Variants in MYO1C observed in about 807,000 individuals in gnomAD.
MYO1C encodes the protein myosin IC.
Under a neutral mutation model 150.8 loss-of-function variants are expected in MYO1C, and 104 were observed. That is an observed-to-expected ratio of 0.69 (90% CI 0.59 to 0.81). The LOEUF (loss-of-function observed/expected upper bound fraction) is 0.81. Ranked by LOEUF, MYO1C falls within the 30% of genes least tolerant of loss-of-function variation. The pLI is 0.00. For synonymous variants in MYO1C, 663 were observed against 579.9 expected, an observed-to-expected ratio of 1.14 and a Z score of -2.06; for missense variants, 1,504 against 1,435.0, an observed-to-expected ratio of 1.05 and a Z score of -0.78.
At chr17:1,475,402 C>T (rs139397561) in intron 14 of MYO1C, among the ~76,000 whole-genome samples, 2 of 151,764 alleles carry the variant, frequency 1.3e-5, no homozygotes, top group African/African-American at 4.8e-5. Context: ...AAAAAAAGAG[C>T]AGGTGCACCC....
At chr17:1,473,640 G>A (rs914257391) in intron 17 of MYO1C, among the ~76,000 whole-genome samples, 2 of 152,026 alleles carry the variant, frequency 1.3e-5, no homozygotes, top group Non-Finnish European at 2.9e-5. Context: ...CCGTACCTCC[G>A]CCTTCAGCTC....
rs778087406 is a variant in MYO1C at position 1,474,865 on chromosome 17, G to A, written c.1670-7C>T. 8.7e-6 allele frequency: 14 copies of A among 1,614,058 alleles called. No homozygotes were observed. The East Asian group carries it at 2.0e-4, about 23-fold the overall frequency. ...TTGTTTTTGTCCAGAAACCCTGGGA[G>A]GGGAGAACCGACGTGAGGTGAGACA... On this transcript the variant is annotated splice_polypyrimidine_tract_variant and splice_region_variant and intron_variant, in intron 15 of 31. Transcript: ENST00000648651.
In MYO1C at chr17:1,484,175, C is replaced by T; in HGVS notation, c.204G>A (p.Arg68=). The T allele has an allele frequency of 6.2e-7, 1 of 1,613,164 alleles. No homozygotes were observed. The highest frequency in any genetic ancestry group is 8.5e-7 in the Non-Finnish European group (1 of 1,180,026). The part of the protein sequence containing the change: ...TSEAAFIENL[R]RRFRENLIYT... ...AGATGAGATTCTCCCGAAATCGCCG[C>T]CGCAGGTTCTCGATGAAGGCGGCCT... is the stretch of plus-strand genomic sequence containing the variant. Residue 68 remains arginine, a synonymous_variant, in exon 2 of 32, where the codon CGG becomes CGA. Coordinates refer to ENST00000648651, the MANE Select transcript of MYO1C (RefSeq NM_001080779.2).
chr17:1,472,926 C>T (rs1473020172), intron 17 of MYO1C, among the ~76,000 whole-genome samples: 3 of 152,188 alleles, frequency 2.0e-5, no homozygotes, highest in Non-Finnish European at 2.9e-5. Context: ...CGGAGCCGGG[C>T]GCGGTGGCTC....
At chr17:1,473,921 C>T (rs1360794812) in intron 17 of MYO1C, among the ~76,000 whole-genome samples, 1 of 152,162 alleles carries the variant, frequency 6.6e-6, no homozygotes, top group East Asian at 1.9e-4. Context: ...GCACATGTTG[C>T]TGCAGGCACA....
At position 1,480,583 on chromosome 17, in the gene MYO1C, A is replaced by G. The variant is rs944185137; in HGVS notation, c.850T>C (p.Trp284Arg). 13 of 1,613,998 alleles carry G rather than the reference A, an allele frequency of 8.1e-6. No homozygotes were observed. Among genetic ancestry groups the G allele is most frequent in the Non-Finnish European group, 1.0e-5 (12 of 1,180,028 alleles). ...KVSSINDKSD[W>R]KVVRKALTVI... ...GTCAGAGCCTTCCTGACGACCTTCC[A>G]GTCACTCTTGTCGTTGATGGAGGAG... is the stretch of plus-strand genomic sequence containing the variant. The change falls in exon 7 of 32, where the codon TGG becomes CGG. Residue 284 changes from tryptophan (W) to arginine (R), a missense_variant. By Grantham distance (101) the Trp-to-Arg change is moderately radical. Coordinates refer to ENST00000648651, the MANE Select transcript of MYO1C (RefSeq NM_001080779.2).
intron 1 of MYO1C, among the ~76,000 whole-genome samples, chr17:1,489,413 A>T (rs7501971): frequency 6.6e-6 from 1 of 152,196 alleles, no homozygotes; most frequent in African/African-American, 2.4e-5. Flanking sequence ...AGTGGCTCAC[A>T]CCTGTAACCC....
chr17:1,467,456 C>T (rs1426636160), intron 30 of MYO1C, 24 bp downstream of exon 30: 1 of 1,610,538 alleles, frequency 6.2e-7, no homozygotes, highest in Non-Finnish European at 8.5e-7. Flanking sequence ...CCCGCCCTGT[C>T]CCCGGGGGCC....
At chr17:1,476,631 C>A (rs1231807838) in intron 14 of MYO1C, among the ~76,000 whole-genome samples, 1 of 152,210 alleles carries the variant, frequency 6.6e-6, no homozygotes, top group Non-Finnish European at 1.5e-5. Context: ...ACCAAGAACC[C>A]CTCAAGGAGC....
chr17:1,484,360 C>T, intron 1 of MYO1C, 57 bp from the exon 2 acceptor site: 2 of 1,591,580 alleles, frequency 1.3e-6, no homozygotes, highest in Non-Finnish European at 8.5e-7. Context: ...GGCAAGGCCA[C>T]TTCCCTGCGC....
chr17:1,485,459 CG>C, intron 1 of MYO1C: 1 of 718,476 alleles, frequency 1.4e-6, no homozygotes, highest in Non-Finnish European at 1.8e-6. Context: ...CCCTCGCCCT[CG>C]GGTCAGGGGT....
chr17:1,475,022 C>G lies in MYO1C; in HGVS notation c.1585G>C (p.Ala529Pro). Reference sequence around the variant, plus strand: ...AGAGATTTCCTGGTCCGCTGGTCAGCCAGCTTGTGCCTGGGGGTGACAGGG... The same window carrying G: ...AGAGATTTCCTGGTCCGCTGGTCAGGCAGCTTGTGCCTGGGGGTGACAGGG... ...HHPHFLTHKLADQRTRKSLGR... is the reference protein window; with the variant it reads ...HHPHFLTHKLPDQRTRKSLGR... The change falls in exon 15 of 32, where the codon GCT (alanine) becomes CCT (proline). Residue 529 changes from alanine (A) to proline (P), a missense_variant. Coordinates refer to ENST00000648651, the MANE Select transcript of MYO1C (RefSeq NM_001080779.2). 1 of 1,551,844 alleles carries G rather than the reference C, an allele frequency of 6.4e-7. No homozygotes were observed. The highest frequency in any genetic ancestry group is 8.7e-7 in the Non-Finnish European group (1 of 1,147,276).
Position 1,479,823 on chromosome 17 carries a change from G to C in MYO1C, c.907-118C>G. On this transcript the variant is annotated intron_variant, in intron 7 of 31. Coordinates refer to ENST00000648651, the MANE Select transcript of MYO1C (RefSeq NM_001080779.2). The surrounding 1 kb of genome is among the most constrained non-coding windows in gnomAD (Gnocchi z 4.2). ...AAGTGTCGGAGAGAAGGGGCTGGAA[G>C]TGGGAATGGGTGTTAAAGGTGGAAG... 1 of 700,912 alleles carries C rather than the reference G, an allele frequency of 1.4e-6. No homozygotes were observed. Among genetic ancestry groups the C allele is most frequent in the East Asian group, 2.7e-5 (1 of 37,002 alleles). The allele number at this position is 700,912 out of a possible 1,614,324, so 43.4% of individuals were successfully genotyped here. A position where few individuals can be genotyped will look rare whatever the true frequency, so the allele number is the denominator to read the frequency against.
intron 17 of MYO1C, among the ~76,000 whole-genome samples, chr17:1,472,840 A>AG (rs555388293): frequency 2.1e-4 from 32 of 150,126 alleles, no homozygotes; most frequent in Non-Finnish European, 3.5e-4. Context: ...GGAAGGACTG[A>AG]GGGGGAGCTG....
At position 1,468,411 on chromosome 17, in the gene MYO1C, G is replaced by C. The variant is rs750304407; in HGVS notation, c.2696C>G (p.Thr899Ser). The C allele has an allele frequency of 6.2e-7, 1 of 1,614,080 alleles. No individual in the cohort carries two copies. Among genetic ancestry groups the C allele is most frequent in the Non-Finnish European group, 8.5e-7 (1 of 1,179,950 alleles). The change falls in exon 26 of 32, where the codon ACT becomes AGT. Residue 899 changes from threonine to serine, a missense_variant. Coordinates refer to ENST00000648651, the MANE Select transcript of MYO1C (RefSeq NM_001080779.2). ...GAAAGTCAGGGGCTCACCAAGCCGAGTGCTGATGAAGAGCCTGGGTACACT... is the reference window on the plus strand; with the variant it reads ...GAAAGTCAGGGGCTCACCAAGCCGACTGCTGATGAAGAGCCTGGGTACACT... ...PQSVPRLFISTRLGTDEISPR... is the reference protein window; with the variant it reads ...PQSVPRLFISSRLGTDEISPR...
At position 1,475,043 on chromosome 17, in the gene MYO1C, CAG is replaced by C. The variant is rs1256251056; in HGVS notation, c.1575-13_1575-12del. The C allele has an allele frequency of 5.2e-6, 8 of 1,550,954 alleles. No homozygotes were observed. The highest frequency in any genetic ancestry group is 2.0e-5 in the Admixed American group (1 of 51,016). On this transcript the variant is annotated splice_polypyrimidine_tract_variant and intron_variant, in intron 14 of 31. Coordinates refer to ENST00000648651, the MANE Select transcript of MYO1C (RefSeq NM_001080779.2). ...TCAGCCAGCTTGTGCCTGGGGGTGA[CAG>C]GGAGGAAGCTGCAGATGGCTGCCGG...
intron 1 of MYO1C, chr17:1,491,580 C>T (rs933110717): frequency 5.1e-6 from 5 of 976,856 alleles, no homozygotes; most frequent in Non-Finnish European, 2.4e-6. Flanking sequence ...GGCCGCCGTC[C>T]CCGCGCCCCG....
Position 1,467,580 on chromosome 17 carries a change from G to T in MYO1C, c.2968-3C>A. 6.2e-7 allele frequency: 1 copy of T among 1,611,926 alleles called. No individual in the cohort carries two copies. ...TCACTCTGCAGCACCACATCTCCCT[G>T]GGGGGCCAGGCAGGAGGAGGGGTCA... On this transcript the variant is annotated splice_region_variant and splice_polypyrimidine_tract_variant and intron_variant, in intron 29 of 31. Transcript: ENST00000648651.
chr17:1,467,168 G>A (rs1342519367), intron 31 of MYO1C, 74 bp downstream of exon 31: 1 of 1,411,586 alleles, frequency 7.1e-7, no homozygotes, highest in African/African-American at 1.4e-5. Flanking sequence ...AGGTGCCTGG[G>A]CTCTGCCAAG....
Sources: allele counts gnomAD v4.1 joint callset (sites outside exome capture counted in the v4.1 genomes callset), GRCh38; gene constraint gnomAD v4.1.1; non-coding constraint Gnocchi (gnomAD v3.1); transcripts MANE v1.5; gene names NCBI Gene and HGNC (gene_info 2026-07-23, HGNC 2026-07-21).